LINGO2: variants seen among roughly 807,000 people sequenced by gnomAD.
LINGO2 encodes leucine-rich repeat and immunoglobulin-like domain-containing nogo receptor-interacting protein 2.
In LINGO2, 14 loss-of-function variants were observed where a neutral mutation model predicts 30.6. That is an observed-to-expected ratio of 0.46 (90% CI 0.30 to 0.72). The LOEUF (loss-of-function observed/expected upper bound fraction) is 0.72, where lower values mean the gene tolerates loss of function less well. LINGO2 is among the 30% of genes least tolerant of loss of function. The pLI, the probability that LINGO2 is intolerant of heterozygous loss-of-function variation, is 0.07. For missense variants in LINGO2, 729 were observed against 751.7 expected, an observed-to-expected ratio of 0.97 and a Z score of 0.35; for synonymous variants, 317 against 288.5, an observed-to-expected ratio of 1.10 and a Z score of -1.00.
At chr9:27,951,528 T>A (rs1819310156) in intron 5 of LINGO2, among the ~76,000 whole-genome samples, 1 of 152,170 alleles carries the variant, frequency 6.6e-6, no homozygotes, top group African/African-American at 2.4e-5. Context: ...AAATGAACTA[T>A]CCCTCTTTCA....
At chr9:28,809,242 T>C in the LINGO2 span, among the ~76,000 whole-genome samples, 1 of 152,196 alleles carries the variant, frequency 6.6e-6, no homozygotes, top group East Asian at 1.9e-4. Context: ...ATTCAAAGTG[T>C]TTATGCCACT....
the LINGO2 span, among the ~76,000 whole-genome samples, chr9:28,929,061 A>AG: frequency 1.3e-5 from 2 of 152,204 alleles, no homozygotes; most frequent in Admixed American, 1.3e-4. Context: ...ACAAAAGCAG[A>AG]GGGGAAATAG....
chr9:28,637,762 T>A (rs1827354692), intron 1 of LINGO2, among the ~76,000 whole-genome samples: 1 of 152,194 alleles, frequency 6.6e-6, no homozygotes, highest in African/African-American at 2.4e-5. Flanking sequence ...TCAAGTCATC[T>A]GCAAACAGGG....
chr9:28,054,065 A>C (rs953766451), intron 4 of LINGO2, among the ~76,000 whole-genome samples: 1 of 118,740 alleles, frequency 8.4e-6, no homozygotes, highest in Admixed American at 7.7e-5. Flanking sequence ...GCTAGCAGAC[A>C]AAAAAAAAGA....
chr9:29,067,045 G>A, the LINGO2 span, among the ~76,000 whole-genome samples: 9 of 151,810 alleles, frequency 5.9e-5, no homozygotes, highest in Admixed American at 5.9e-4. Flanking sequence ...GAAAGAATAA[G>A]GTTAACTATA....
Position 28,036,316 on chromosome 9 carries a change from G to A in LINGO2, c.-86-23911C>T, listed in dbSNP as rs58787252. Among the ~76,000 whole-genome samples the A allele has an allele frequency of 0.021, 3,262 of 152,188 alleles. 211 individuals carry two copies. The East Asian group carries it at 0.26, about 12-fold the overall frequency. ...CTAATTATTCTTTTTTACTAAAAGC[G>A]AAAGGATACATGAGCACTGCACATC... On this transcript the variant is annotated intron_variant, in intron 4 of 5. Transcript: ENST00000379992.
the LINGO2 span, among the ~76,000 whole-genome samples, chr9:28,816,063 A>G: frequency 6.6e-6 from 1 of 152,170 alleles, no homozygotes; most frequent in Non-Finnish European, 1.5e-5. Flanking sequence ...AGGGCACTCA[A>G]GAGACTGAGG....
At chr9:28,481,827 T>G (rs565642709) in intron 1 of LINGO2, among the ~76,000 whole-genome samples, 5 of 145,980 alleles carry the variant, frequency 3.4e-5, no homozygotes, top group African/African-American at 1.3e-4. Flanking sequence ...CTTGTGTCCA[T>G]GTGTTCTCAT....
intron 1 of LINGO2, among the ~76,000 whole-genome samples, chr9:28,541,472 C>T (rs891555113): frequency 6.6e-6 from 1 of 152,086 alleles, no homozygotes; most frequent in African/African-American, 2.4e-5. Context: ...CTCAACAAAA[C>T]ATGAATAGAA....
chr9:28,801,373 G>C, the LINGO2 span, among the ~76,000 whole-genome samples: 1 of 151,962 alleles, frequency 6.6e-6, no homozygotes, highest in South Asian at 2.1e-4. Flanking sequence ...TTTAGATGAA[G>C]CCTAACCATG....
intron 1 of LINGO2, among the ~76,000 whole-genome samples, chr9:28,588,531 G>T (rs1824687200): frequency 6.6e-6 from 1 of 151,896 alleles, no homozygotes; most frequent in African/African-American, 2.4e-5. Context: ...CCTGGGGATG[G>T]TGGGAGCATA....
At chr9:28,091,570 A>C (rs1249506646) in intron 4 of LINGO2, among the ~76,000 whole-genome samples, 2 of 152,162 alleles carry the variant, frequency 1.3e-5, no homozygotes, top group African/African-American at 2.4e-5. Context: ...TTAAAGCTTA[A>C]ATGTTAGACC....
intron 3 of LINGO2, among the ~76,000 whole-genome samples, chr9:28,299,458 T>C (rs1475989501): frequency 6.6e-6 from 1 of 151,638 alleles, no homozygotes; most frequent in African/African-American, 2.4e-5. Flanking sequence ...ATTTTTTTTT[T>C]CTATTCATTT....
At chr9:28,425,685 A>C (rs1381798107) in intron 2 of LINGO2, among the ~76,000 whole-genome samples, 1 of 152,010 alleles carries the variant, frequency 6.6e-6, no homozygotes, top group Non-Finnish European at 1.5e-5. Context: ...CTACATTTTA[A>C]AATTAAGAAC....
chr9:28,925,240 G>A, the LINGO2 span, among the ~76,000 whole-genome samples: 2 of 152,158 alleles, frequency 1.3e-5, no homozygotes, highest in African/African-American at 4.8e-5. Flanking sequence ...GCTCCTGAGA[G>A]GTGATCTCTA....
rs144862811 is a variant in LINGO2, at chr9:28,187,059, C to T, written c.-87+108149G>A. ...AAATCGATGGTAGACACAGGCAGAC[C>T]AGTTAGGAGACTATAGCAGTCTTCT... On this transcript the variant is annotated intron_variant, in intron 4 of 5. Coordinates refer to ENST00000379992, the Ensembl canonical transcript of LINGO2. Among the ~76,000 whole-genome samples, 1,063 of 152,146 alleles carry T rather than the reference C, an allele frequency of 7.0e-3. 12 individuals carry two copies. The highest frequency in any genetic ancestry group is 0.024 in the African/African-American group (990 of 41,504).
chr9:28,197,036 TA>T (rs1276971686), intron 4 of LINGO2, among the ~76,000 whole-genome samples: 1 of 151,940 alleles, frequency 6.6e-6, no homozygotes, highest in African/African-American at 2.4e-5. Flanking sequence ...TCAAAGTAAC[TA>T]AAAGAGTGGA....
At chr9:27,960,440 C>G (rs909103747) in intron 5 of LINGO2, among the ~76,000 whole-genome samples, 2 of 152,146 alleles carry the variant, frequency 1.3e-5, no homozygotes, top group African/African-American at 4.8e-5. Context: ...TGAGGATTCC[C>G]TATCTTGCAG....
At chr9:28,021,939 A>G (rs1167772773) in intron 4 of LINGO2, among the ~76,000 whole-genome samples, 1 of 152,056 alleles carries the variant, frequency 6.6e-6, no homozygotes, top group Admixed American at 6.6e-5. Flanking sequence ...AAAATGTTCC[A>G]TAATTACTGC....
Sources: allele counts gnomAD v4.1 joint callset (sites outside exome capture counted in the v4.1 genomes callset), GRCh38; gene constraint gnomAD v4.1.1; transcripts MANE v1.5; gene names NCBI Gene and HGNC (gene_info 2026-07-23, HGNC 2026-07-21).